Variants in ASXL2 observed in about 807,000 individuals in gnomAD.
ASXL2 encodes ASXL transcriptional regulator 2.
In ASXL2, 23 loss-of-function variants were observed where a neutral mutation model predicts 122.0. The ratio of observed to expected loss-of-function variants is 0.19; its 90% CI spans 0.14 to 0.27. The LOEUF (loss-of-function observed/expected upper bound fraction) is 0.27. ASXL2 is among the 10% of genes least tolerant of loss of function. The pLI, the probability that ASXL2 is intolerant of heterozygous loss-of-function variation, is 1.00. For synonymous variants in ASXL2, 650 were observed against 637.0 expected, an observed-to-expected ratio of 1.02 and a Z score of -0.31; for missense variants, 1,518 against 1,713.8, an observed-to-expected ratio of 0.89 and a Z score of 2.02.
At chr2:25,773,872 A>G (rs2088502980) in intron 5 of ASXL2, among the ~76,000 whole-genome samples, 1 of 151,318 alleles carries the variant, frequency 6.6e-6, no homozygotes, top group South Asian at 2.1e-4. Flanking sequence ...CTCTACTAAA[A>G]TACAAAAATT....
chr2:25,802,991 G>A (rs1357227106), intron 4 of ASXL2, among the ~76,000 whole-genome samples: 1 of 152,144 alleles, frequency 6.6e-6, no homozygotes, highest in Non-Finnish European at 1.5e-5. Context: ...AATTAGTTAG[G>A]CGAGGTGGCA....
chr2:25,757,921 C>CAAAAA (rs10524530), intron 9 of ASXL2, among the ~76,000 whole-genome samples: 1 of 127,354 alleles, frequency 7.9e-6, no homozygotes, highest in Admixed American at 7.9e-5. Flanking sequence ...GAGTCTTTAA[C>CAAAAA]AAAAAAAAAA....
chr2:25,822,924 G>A, intron 3 of ASXL2: 3 of 529,706 alleles, frequency 5.7e-6, no homozygotes, highest in African/African-American at 3.9e-5. Context: ...AGACAGCGAT[G>A]ATGAAAAAAT....
chr2:25,806,138 A>G, intron 4 of ASXL2, 91 bp downstream of exon 4: 1 of 791,112 alleles, frequency 1.3e-6, no homozygotes, highest in Non-Finnish European at 2.0e-6. Flanking sequence ...TAAGCTCTTC[A>G]AGAACAGAAT....
chr2:25,852,331 T>G (rs1391930640), intron 1 of ASXL2, among the ~76,000 whole-genome samples: 1 of 152,242 alleles, frequency 6.6e-6, no homozygotes, highest in Admixed American at 6.5e-5. Flanking sequence ...AAAAATTATA[T>G]TTTCTAACAC....
rs2088480287 is a variant in ASXL2 at position 25,772,884 on chromosome 2, T to C, written c.404-1344A>G. 2.0e-5 allele frequency among the ~76,000 whole-genome samples: 3 copies of C among 152,134 alleles called. No homozygotes were observed. The South Asian group carries it at 6.2e-4, about 31-fold the overall frequency. On this transcript the variant is annotated intron_variant, in intron 5 of 12. Coordinates refer to ENST00000435504, the MANE Select transcript of ASXL2 (RefSeq NM_018263.6). ...TCCTAAGAAAGGAATGCACAGCAGA[T>C]GCATTTAAAGAAGATAGCATCAAAC...
At chr2:25,763,788 G>C (rs1419797967) in intron 8 of ASXL2, among the ~76,000 whole-genome samples, 1 of 152,136 alleles carries the variant, frequency 6.6e-6, no homozygotes, top group Non-Finnish European at 1.5e-5. Flanking sequence ...AAGAAAGTGA[G>C]GCCCAGATAT....
At position 25,736,911 on chromosome 2, in the gene ASXL2, C is replaced by T. The variant is rs2087745599; in HGVS notation, c.*5118G>A. On this transcript the variant is annotated 3_prime_UTR_variant, in exon 13 of 13. Coordinates refer to ENST00000435504, the MANE Select transcript of ASXL2 (RefSeq NM_018263.6). ...AAGACGATGTAGGCACCATTTTGCT[C>T]CTATCATATCCTAAAATCAAGTATT... The T allele has an allele frequency of 6.6e-6, 1 of 151,994 alleles. No homozygotes were observed. Among genetic ancestry groups the T allele is most frequent in the Admixed American group, 6.6e-5 (1 of 15,252 alleles). The allele number at this position is 151,994 out of a possible 1,614,324, so 9.4% of individuals were successfully genotyped here.
intron 8 of ASXL2, among the ~76,000 whole-genome samples, chr2:25,762,498 T>C (rs1293026506): frequency 1.3e-5 from 2 of 151,508 alleles, no homozygotes. Flanking sequence ...AAAACCCATT[T>C]CTACTAAAAG....
chr2:25,870,008 G>A (rs1340535528), intron 1 of ASXL2, among the ~76,000 whole-genome samples: 2 of 152,004 alleles, frequency 1.3e-5, no homozygotes, highest in Non-Finnish European at 2.9e-5. Flanking sequence ...AGGCTGAGGT[G>A]GACGATAGCT....
chr2:25,828,445 G>A (rs1197418279), intron 3 of ASXL2, among the ~76,000 whole-genome samples: 1 of 144,422 alleles, frequency 6.9e-6, no homozygotes, highest in Non-Finnish European at 1.5e-5. Flanking sequence ...GATGGAGGTT[G>A]CAGTGAGCCA....
chr2:25,795,161 C>T (rs2088894281), intron 5 of ASXL2, among the ~76,000 whole-genome samples: 1 of 152,156 alleles, frequency 6.6e-6, no homozygotes, highest in Non-Finnish European at 1.5e-5. Context: ...ATACCACACA[C>T]CGCCCATTTT....
chr2:25,837,953 C>CAAAA (rs34490545), intron 2 of ASXL2, among the ~76,000 whole-genome samples: 1 of 65,370 alleles, frequency 1.5e-5, no homozygotes. Flanking sequence ...CCTGTCTCTA[C>CAAAA]AAAAAAAAAA....
At chr2:25,753,193 C>G (rs1449112513) in intron 11 of ASXL2, among the ~76,000 whole-genome samples, 1 of 151,602 alleles carries the variant, frequency 6.6e-6, no homozygotes, top group Non-Finnish European at 1.5e-5. Flanking sequence ...TGGTCTCGAA[C>G]TCCTGACCTC....
chr2:25,799,531 T>A lies in ASXL2; in HGVS notation c.257A>T (p.Asp86Val), dbSNP rs747421237. 7 of 1,610,174 alleles carry A rather than the reference T, an allele frequency of 4.3e-6. No individual in the cohort carries two copies. Among genetic ancestry groups the A allele is most frequent in the Non-Finnish European group, 5.9e-6 (7 of 1,178,392 alleles). Residue 86 changes from aspartate (D) to valine (V), a missense_variant, in exon 5 of 13, where the codon GAT (aspartate) becomes GTT (valine). By Grantham distance (152) the Asp-to-Val change is radical (BLOSUM62 -3). Transcript: ENST00000435504. ...GRMGVYTLKK[D>V]VPDGVKELSE... Reference sequence around the variant, plus strand: ...CAGCTCTTTCACCCCATCCGGCACATCTTTCTGAAAATGTAGGCATCCAAT... The same window carrying A: ...CAGCTCTTTCACCCCATCCGGCACAACTTTCTGAAAATGTAGGCATCCAAT...
At chr2:25,846,526 T>TA (rs1029622915) in intron 1 of ASXL2, among the ~76,000 whole-genome samples, 24 of 152,188 alleles carry the variant, frequency 1.6e-4, no homozygotes, top group Middle Eastern at 6.8e-3. Context: ...TGAGTGCCTG[T>TA]AATCCCAGCT....
At chr2:25,862,260 A>G (rs910794079) in intron 1 of ASXL2, among the ~76,000 whole-genome samples, 1 of 152,222 alleles carries the variant, frequency 6.6e-6, no homozygotes, top group Non-Finnish European at 1.5e-5. Context: ...AATTAAGAAA[A>G]TACCTAAAAC....
chr2:25,769,070 A>G (rs1435734062), intron 6 of ASXL2, among the ~76,000 whole-genome samples: 1 of 152,222 alleles, frequency 6.6e-6, no homozygotes, highest in Non-Finnish European at 1.5e-5. Flanking sequence ...TGTTCTTATC[A>G]ATTTAAATTA....
intron 3 of ASXL2, among the ~76,000 whole-genome samples, chr2:25,807,187 A>G (rs942333476): frequency 1.3e-5 from 2 of 152,202 alleles, no homozygotes; most frequent in Non-Finnish European, 1.5e-5. Flanking sequence ...AAAACTGATC[A>G]CAATACCTGA....
Sources: gnomAD v4.1 joint callset for allele counts (sites outside exome capture counted in the v4.1 genomes callset) on GRCh38, gnomAD v4.1.1 for gene constraint, MANE v1.5 for transcripts, NCBI Gene and HGNC (gene_info 2026-07-23, HGNC 2026-07-21) for gene names.